Variants in FAF1 observed in about 807,000 individuals in gnomAD.
FAF1 encodes Fas associated factor 1.
FAF1 carries 25 observed loss-of-function variants against 92.5 expected under a neutral mutation model. That is an observed-to-expected ratio of 0.27 (90% CI 0.20 to 0.38). FAF1 has a LOEUF of 0.38. Ranked by LOEUF, FAF1 falls within the 10% of genes least tolerant of loss-of-function variation. The probability of loss-of-function intolerance (pLI) is 1.00; values close to 1 mark genes in which losing one functional copy is unlikely to be tolerated. For synonymous variants in FAF1, 234 were observed against 273.2 expected (o/e 0.86, Z 1.42); for missense variants, 636 against 793.3 (o/e 0.80, Z 2.38).
At chr1:50,822,778 T>A (rs191741163) in intron 2 of FAF1, among the ~76,000 whole-genome samples, 1 of 104,968 alleles carries the variant, frequency 9.5e-6, no homozygotes, top group Admixed American at 9.6e-5. Context: ...TTCTTTCTTT[T>A]TTTTTTTTTT....
chr1:50,547,508 A>T (rs1343294085), intron 13 of FAF1, among the ~76,000 whole-genome samples: 1 of 151,166 alleles, frequency 6.6e-6, no homozygotes, highest in African/African-American at 2.4e-5. Flanking sequence ...CCCACCTTCC[A>T]GGTTTAAGTG....
At chr1:50,775,929 C>T (rs2124553553) in intron 4 of FAF1, among the ~76,000 whole-genome samples, 1 of 152,176 alleles carries the variant, frequency 6.6e-6, no homozygotes, top group Middle Eastern at 3.4e-3. Flanking sequence ...AAGTATATAA[C>T]ATGATTCTCT....
At chr1:50,707,202 CAAAAAA>C (rs397862445) in intron 6 of FAF1, among the ~76,000 whole-genome samples, 41 of 106,858 alleles carry the variant, frequency 3.8e-4, no homozygotes, top group African/African-American at 1.3e-3. Flanking sequence ...GACTCTGTGT[CAAAAAA>C]AAAAAAAAAA....
At chr1:50,854,798 C>T (rs1009605443) in intron 2 of FAF1, among the ~76,000 whole-genome samples, 7 of 151,754 alleles carry the variant, frequency 4.6e-5, no homozygotes, top group African/African-American at 1.7e-4. Context: ...TTTGCAATCA[C>T]CGTTTTTTTA....
intron 7 of FAF1, among the ~76,000 whole-genome samples, chr1:50,676,672 A>T (rs1656135676): frequency 6.6e-6 from 1 of 151,656 alleles, no homozygotes; most frequent in Non-Finnish European, 1.5e-5. Context: ...AAATACAAAA[A>T]TTAGCTGGGC....
chr1:50,736,157 A>C (rs1659127374), intron 6 of FAF1, among the ~76,000 whole-genome samples: 1 of 152,250 alleles, frequency 6.6e-6, no homozygotes, highest in Admixed American at 6.5e-5. Context: ...TAATATATAC[A>C]TAAACCTTCC....
intron 8 of FAF1, among the ~76,000 whole-genome samples, chr1:50,601,935 G>A (rs1652155908): frequency 6.6e-6 from 1 of 151,848 alleles, no homozygotes; most frequent in Non-Finnish European, 1.5e-5. Context: ...TAAGAGTATT[G>A]GAAGCTATAA....
chr1:50,938,065 A>G (rs992587562), intron 1 of FAF1, among the ~76,000 whole-genome samples: 10 of 152,364 alleles, frequency 6.6e-5, no homozygotes, highest in African/African-American at 2.4e-4. Context: ...AATCGCTTAT[A>G]CTGACAAAAC....
At chr1:50,858,436 T>C (rs1251286099) in intron 1 of FAF1, among the ~76,000 whole-genome samples, 1 of 151,830 alleles carries the variant, frequency 6.6e-6, no homozygotes, top group Admixed American at 6.6e-5. Context: ...ATCTGTGCTG[T>C]CTGATAGCCA....
chr1:50,490,355 TG>T (rs1476667523), intron 17 of FAF1, among the ~76,000 whole-genome samples: 2 of 142,014 alleles, frequency 1.4e-5, no homozygotes, highest in African/African-American at 5.4e-5. Flanking sequence ...CACTCCAGCC[TG>T]GGTGACAGAG....
chr1:50,917,094 A>C (rs1346005727), intron 1 of FAF1, among the ~76,000 whole-genome samples: 1 of 152,222 alleles, frequency 6.6e-6, no homozygotes, highest in African/African-American at 2.4e-5. Context: ...ATGATGGCTT[A>C]TGCTTGGGTA....
chr1:50,526,421 C>A (rs1647807428), intron 15 of FAF1, among the ~76,000 whole-genome samples: 1 of 151,714 alleles, frequency 6.6e-6, no homozygotes, highest in South Asian at 2.1e-4. Context: ...AATAGCGAGA[C>A]CCCATCTCTA....
intron 7 of FAF1, among the ~76,000 whole-genome samples, chr1:50,674,761 A>C (rs1410664970): frequency 6.6e-6 from 1 of 152,172 alleles, no homozygotes; most frequent in African/African-American, 2.4e-5. Flanking sequence ...CATTCTCTCA[A>C]TTCCCCAACA....
At chr1:50,513,983 C>A (rs530900934) in intron 15 of FAF1, among the ~76,000 whole-genome samples, 1 of 152,294 alleles carries the variant, frequency 6.6e-6, no homozygotes, top group South Asian at 2.1e-4. Context: ...CAAATACAAT[C>A]CTTGAATTAG....
chr1:50,607,791 A>C (rs1185755836), intron 8 of FAF1, among the ~76,000 whole-genome samples: 2 of 152,254 alleles, frequency 1.3e-5, no homozygotes, highest in Non-Finnish European at 2.9e-5. Context: ...CAAATCTTCC[A>C]GATAAACCTC....
At chr1:50,455,757 G>A (rs1432612626) in intron 18 of FAF1, among the ~76,000 whole-genome samples, 1 of 152,122 alleles carries the variant, frequency 6.6e-6, no homozygotes, top group African/African-American at 2.4e-5. Flanking sequence ...TTTTGCCCCA[G>A]GAGACATGGT....
intron 1 of FAF1, among the ~76,000 whole-genome samples, chr1:50,929,071 C>CAA (rs59078269): frequency 3.8e-4 from 14 of 36,756 alleles, no homozygotes; most frequent in East Asian, 2.1e-3. Context: ...GACACTGTCT[C>CAA]AAAAAAAAAA....
chr1:50,745,000 A>C (rs1659532092), intron 4 of FAF1, among the ~76,000 whole-genome samples: 1 of 152,128 alleles, frequency 6.6e-6, no homozygotes, highest in African/African-American at 2.4e-5. Flanking sequence ...CTAAAAAATA[A>C]AGCTAGGCTG....
intron 1 of FAF1, among the ~76,000 whole-genome samples, chr1:50,876,364 T>C (rs1644571568): frequency 6.6e-6 from 1 of 152,204 alleles, no homozygotes; most frequent in Non-Finnish European, 1.5e-5. Flanking sequence ...AAGGAACCAG[T>C]GTTCCTTGTA....
Sources: gnomAD v4.1 joint callset for allele counts (sites outside exome capture counted in the v4.1 genomes callset) on GRCh38, gnomAD v4.1.1 for gene constraint, MANE v1.5 for transcripts, NCBI Gene and HGNC (gene_info 2026-07-23, HGNC 2026-07-21) for gene names.